ZFYVE16: variants seen among roughly 807,000 people sequenced by gnomAD.
ZFYVE16 encodes the protein zinc finger FYVE domain-containing protein 16.
Under a neutral mutation model 138.1 loss-of-function variants are expected in ZFYVE16, and 89 were observed. That is an observed-to-expected ratio of 0.64 (90% CI 0.54 to 0.77). The LOEUF (loss-of-function observed/expected upper bound fraction) is 0.77, where lower values mean the gene tolerates loss of function less well. Among genes scored for constraint, ZFYVE16 ranks in the 30% least tolerant of loss-of-function variants. The pLI, the probability that ZFYVE16 is intolerant of heterozygous loss-of-function variation, is 0.00. For synonymous variants in ZFYVE16, 596 were observed against 618.3 expected (o/e 0.96, Z 0.53); for missense variants, 1,793 against 1,786.7 (o/e 1.00, Z -0.06).
chr5:80,415,605 G>A (rs747561781), intron 1 of ZFYVE16, among the ~76,000 whole-genome samples: 48 of 152,072 alleles, frequency 3.2e-4, no homozygotes, highest in Non-Finnish European at 4.9e-4. Context: ...AATGTGTTTC[G>A]GAGAGAAAGA....
At position 80,438,838 on chromosome 5, in the gene ZFYVE16, T is replaced by C; in HGVS notation, c.2153T>C (p.Phe718Ser). The change falls in exon 4 of 19, where the codon TTC becomes TCC. Residue 718 changes from phenylalanine to serine, a missense_variant. By Grantham distance (155) the Phe-to-Ser change is radical. Transcript: ENST00000505560. ...IESNSEGGSS[F>S]VTANEDSVPE... Reference sequence around the variant, plus strand: ...AGTAATTCTGAAGGTGGATCTAGTTTCGTAACTGCAAATGAAGATTCTGTA... The same window carrying C: ...AGTAATTCTGAAGGTGGATCTAGTTCCGTAACTGCAAATGAAGATTCTGTA... 2 of 1,614,128 alleles carry C rather than the reference T, an allele frequency of 1.2e-6. No homozygotes were observed. The highest frequency in any genetic ancestry group is 1.7e-6 in the Non-Finnish European group (2 of 1,179,966).
chr5:80,436,956 A>G lies in ZFYVE16; in HGVS notation c.271A>G (p.Ile91Val), dbSNP rs952121538. Residue 91 changes from isoleucine (I) to valine (V), a missense_variant, in exon 4 of 19, where the codon ATA becomes GTA. Physicochemically the swap from Ile to Val is conservative, Grantham distance 29 (BLOSUM62 3). Around this residue, in one of 2 missense-constraint regions of ZFYVE16, gnomAD observed 1,295 missense variants for 1,204.3 expected, o/e 1.08. Transcript: ENST00000505560. ...AAAAACACTCAAGGGACTTACTTCT[A>G]TACAAAATGAAAAAAATGTAACAGG... ...NEKTLKGLTS[I>V]QNEKNVTGLD... 2 of 1,614,124 alleles carry G rather than the reference A, an allele frequency of 1.2e-6. No homozygotes were observed. The highest frequency in any genetic ancestry group is 2.2e-5 in the East Asian group (1 of 44,872).
chr5:80,477,286 C>T lies in ZFYVE16; in HGVS notation c.4529C>T (p.Ala1510Val). The change falls in exon 19 of 19, where the codon GCT (alanine) becomes GTT (valine). Residue 1510 changes from alanine (A) to valine (V), a missense_variant. Physicochemically the swap from Ala to Val is moderately conservative, Grantham distance 64. Around this residue, in one of 2 missense-constraint regions of ZFYVE16, gnomAD observed 498 missense variants for 582.4 expected, o/e 0.86. Coordinates refer to ENST00000505560, the MANE Select transcript of ZFYVE16 (RefSeq NM_001284236.3). ...CATTATCTAAATGATCTTGATAGTGCTCTGATACCTGTGATCCATGGTGGG... is the reference window on the plus strand; with the variant it reads ...CATTATCTAAATGATCTTGATAGTGTTCTGATACCTGTGATCCATGGTGGG... ...PQHYLNDLDS[A>V]LIPVIHGGTS... The T allele has an allele frequency of 6.2e-7, 1 of 1,609,826 alleles. No individual in the cohort carries two copies. Among genetic ancestry groups the T allele is most frequent in the Non-Finnish European group, 8.5e-7 (1 of 1,178,756 alleles).
chr5:80,449,367 ATATAC>A (rs1470814628), intron 8 of ZFYVE16, among the ~76,000 whole-genome samples: 8 of 152,236 alleles, frequency 5.3e-5, no homozygotes, highest in African/African-American at 1.9e-4. Context: ...AACAGTATAA[ATATAC>A]TATATGTAAT....
rs146641866 is a variant in ZFYVE16, at chr5:80,448,341, C to T, written c.3040C>T (p.Leu1014Phe). ...INKYVCNKIS[L>F]LPNDEDSLPP... ...CAAGTATGTCTGCAATAAGATTAGT[C>T]TTCTACCTAATGATGAGGACAGTTT... is the stretch of plus-strand genomic sequence containing the variant. The change falls in exon 8 of 19, where the codon CTT (leucine) becomes TTT (phenylalanine). Residue 1014 changes from leucine (L) to phenylalanine (F), a missense_variant. Around this residue, in one of 2 missense-constraint regions of ZFYVE16, gnomAD observed 1,295 missense variants for 1,204.3 expected, o/e 1.08. Coordinates refer to ENST00000505560, the MANE Select transcript of ZFYVE16 (RefSeq NM_001284236.3). The T allele has an allele frequency of 2.4e-5, 39 of 1,605,828 alleles. No individual in the cohort carries two copies. The highest frequency in any genetic ancestry group is 3.1e-5 in the Non-Finnish European group (36 of 1,177,538).
At chr5:80,476,844 A>T (rs1377501998) in intron 18 of ZFYVE16, among the ~76,000 whole-genome samples, 1 of 152,250 alleles carries the variant, frequency 6.6e-6, no homozygotes, top group East Asian at 1.9e-4. Context: ...AGAGTCTAAT[A>T]TTAAATATTA....
At chr5:80,470,816 A>T (rs1288825037) in intron 15 of ZFYVE16, among the ~76,000 whole-genome samples, 1 of 152,108 alleles carries the variant, frequency 6.6e-6, no homozygotes, top group Non-Finnish European at 1.5e-5. Flanking sequence ...TGGCCTGTCT[A>T]GTAATTTTTG....
rs150124916 is a variant in ZFYVE16, at chr5:80,451,565, A to G, written c.3463A>G (p.Ile1155Val). The change falls in exon 11 of 19, where the codon ATT (isoleucine) becomes GTT (valine). Residue 1155 changes from isoleucine (I) to valine (V), a missense_variant. Physicochemically the swap from Ile to Val is conservative, Grantham distance 29 (BLOSUM62 3). Around this residue, in one of 2 missense-constraint regions of ZFYVE16, gnomAD observed 498 missense variants for 582.4 expected, o/e 0.86. Transcript: ENST00000505560. ...CAAGGATCACGGAGGATTCCTGTTT[A>G]TTACACCTACTTTTCAGAAACTTGA... The part of the protein sequence containing the change: ...SSKDHGGFLF[I>V]TPTFQKLDDL... 981 of 1,613,908 alleles carry G rather than the reference A, an allele frequency of 6.1e-4. 1 individual carries two copies. Among genetic ancestry groups the G allele is most frequent in the Non-Finnish European group, 8.0e-4 (939 of 1,179,910 alleles).
At chr5:80,443,740 A>G in intron 6 of ZFYVE16, 1 of 456,400 alleles carries the variant, frequency 2.2e-6, no homozygotes, top group Non-Finnish European at 4.4e-6. Context: ...CCTGGCAGGA[A>G]CCAGAAACAA....
chr5:80,443,569 G>A (rs1252121701), intron 6 of ZFYVE16, among the ~76,000 whole-genome samples: 2 of 152,192 alleles, frequency 1.3e-5, no homozygotes, highest in African/African-American at 4.8e-5. Flanking sequence ...GAGGTGCTTG[G>A]ATCTCAGATG....
intron 3 of ZFYVE16, among the ~76,000 whole-genome samples, chr5:80,434,464 ATTTCT>A (rs1032026924): frequency 7.9e-5 from 12 of 152,062 alleles, no homozygotes; most frequent in South Asian, 6.2e-4. Flanking sequence ...TAAGACAGAC[ATTTCT>A]TTTCTTTTCT....
chr5:80,456,673 G>T, intron 13 of ZFYVE16, 108 bp downstream of exon 13: 1 of 934,772 alleles, frequency 1.1e-6, no homozygotes, highest in African/African-American at 1.7e-5. Flanking sequence ...AATGTATTAT[G>T]GCAACAAACA....
chr5:80,443,667 G>A (rs763400394), intron 6 of ZFYVE16: 8 of 455,006 alleles, frequency 1.8e-5, no homozygotes, highest in Non-Finnish European at 3.5e-5. Context: ...CAGATTTGAT[G>A]TTAGGAGTAC....
chr5:80,438,731 T>C lies in ZFYVE16; in HGVS notation c.2046T>C (p.Asp682=). The change falls in exon 4 of 19, where the codon GAT becomes GAC. Residue 682 remains aspartate (D), a synonymous_variant. Coordinates refer to ENST00000505560, the MANE Select transcript of ZFYVE16 (RefSeq NM_001284236.3). ...TAGAAAGTGAACCCAGCACAGCAGA[T>C]ACCGTTGTTCCAATCACTTGTGCTA... ...DTIESEPSTA[D]TVVPITCAID... 6.2e-7 allele frequency: 1 copy of C among 1,614,132 alleles called. No individual in the cohort carries two copies.
intron 15 of ZFYVE16, among the ~76,000 whole-genome samples, chr5:80,461,116 C>T (rs377275540): frequency 5.9e-5 from 9 of 152,252 alleles, no homozygotes; most frequent in East Asian, 5.8e-4. Flanking sequence ...ACTCTTTGAG[C>T]GCCGACATGA....
chr5:80,431,546 C>T (rs531505989), intron 2 of ZFYVE16, among the ~76,000 whole-genome samples: 48 of 152,296 alleles, frequency 3.2e-4, no homozygotes, highest in African/African-American at 1.1e-3. Flanking sequence ...GGATGCCTTT[C>T]TCACCACTCC....
upstream of ZFYVE16, chr5:80,407,905 T>G (rs906340298): frequency 6.6e-6 from 1 of 152,334 alleles, no homozygotes; most frequent in Non-Finnish European, 1.5e-5. Flanking sequence ...TGCCCTTGGC[T>G]CGGAACCTGC....
At chr5:80,434,019 AT>A in intron 2 of ZFYVE16, 89 bp from the exon 3 acceptor site, 1 of 864,310 alleles carries the variant, frequency 1.2e-6, no homozygotes, top group South Asian at 2.0e-5. Context: ...TTCTGTGTCA[AT>A]TTCTTGACTG....
intron 15 of ZFYVE16, among the ~76,000 whole-genome samples, chr5:80,462,644 G>T (rs1753251762): frequency 1.3e-5 from 2 of 152,126 alleles, no homozygotes; most frequent in Admixed American, 6.5e-5. Context: ...ACATGCCTTT[G>T]CAACAGTCTC....
Sources: allele counts gnomAD v4.1 joint callset (sites outside exome capture counted in the v4.1 genomes callset), GRCh38; gene constraint gnomAD v4.1.1; regional missense constraint gnomAD v4.1.1; transcripts MANE v1.5; gene names NCBI Gene and HGNC (gene_info 2026-07-23, HGNC 2026-07-21).